Variants in VAV1 observed in about 807,000 individuals in gnomAD.
VAV1 encodes the protein proto-oncogene vav.
Under a neutral mutation model 128.1 loss-of-function variants are expected in VAV1, and 33 were observed. The observed-to-expected ratio is 0.26, with a 90% confidence interval of 0.20 to 0.34. The LOEUF (loss-of-function observed/expected upper bound fraction) is 0.34, where lower values mean the gene tolerates loss of function less well. VAV1 is among the 10% of genes least tolerant of loss of function. VAV1 has a pLI of 1.00. For synonymous variants in VAV1, 394 were observed against 409.8 expected (o/e 0.96, Z 0.47); for missense variants, 715 against 1,093.7 (o/e 0.65, Z 4.88).
At chr19:6,857,003 A>G in intron 26 of VAV1, 51 bp from the exon 27 acceptor site, 1 of 1,558,464 alleles carries the variant, frequency 6.4e-7, no homozygotes, top group Non-Finnish European at 8.9e-7. Context: ...GTGGAGGGGC[A>G]GTAGGAGGAT....
chr19:6,838,295 TTATCTATC>T (rs57869416), intron 21 of VAV1, among the ~76,000 whole-genome samples: 7,006 of 145,618 alleles, frequency 0.048, 192 homozygotes, highest in South Asian at 0.085. Flanking sequence ...CATCTACATA[TTATCTATC>T]TATCTATCTA....
At chr19:6,848,950 C>T (rs1261628816) in intron 23 of VAV1, among the ~76,000 whole-genome samples, 1 of 151,568 alleles carries the variant, frequency 6.6e-6, no homozygotes, top group African/African-American at 2.4e-5. Context: ...TGCACCACCA[C>T]ATCCAGCTAA....
chr19:6,811,474 G>T (rs920106364), intron 1 of VAV1, among the ~76,000 whole-genome samples: 3 of 152,190 alleles, frequency 2.0e-5, no homozygotes, highest in African/African-American at 7.2e-5. Flanking sequence ...GTCAGGCCTG[G>T]GTTGAGGAGG....
At position 6,826,838 on chromosome 19, in the gene VAV1, C is replaced by T. The variant is rs912416650; in HGVS notation, c.927+127C>T. The stretch of plus-strand genomic sequence containing the variant: ...GCCCAGCCAGAGATCCACCAAAGGA[C>T]TAGGGAGGGAGGTACTAGCCAGCCA... On this transcript the variant is annotated intron_variant, in intron 9 of 26. Transcript: ENST00000602142. The surrounding 1 kb of genome is among the most constrained non-coding windows in gnomAD (Gnocchi z 4.1). 1 of 758,110 alleles carries T rather than the reference C, an allele frequency of 1.3e-6. No individual in the cohort carries two copies. Among genetic ancestry groups the T allele is most frequent in the African/African-American group, 1.7e-5 (1 of 57,538 alleles). 47.0% of individuals were successfully genotyped at this position (758,110 alleles called of 1,614,324 possible).
intron 26 of VAV1, 86 bp from the exon 27 acceptor site, chr19:6,856,968 A>C: frequency 8.1e-7 from 1 of 1,229,520 alleles, no homozygotes; most frequent in Non-Finnish European, 1.2e-6. Flanking sequence ...AAAGGCCCTG[A>C]GGTGGGAGGG....
chr19:6,783,933 A>G (rs1970828552), intron 1 of VAV1, among the ~76,000 whole-genome samples: 1 of 151,824 alleles, frequency 6.6e-6, no homozygotes, highest in South Asian at 2.1e-4. Flanking sequence ...TGGCTCCAGA[A>G]ATGCAGGTAT....
chr19:6,779,947 T>TA (rs1192117336), intron 1 of VAV1, among the ~76,000 whole-genome samples: 2 of 148,844 alleles, frequency 1.3e-5, no homozygotes, highest in Non-Finnish European at 3.0e-5. Flanking sequence ...CCGTCTCTAC[T>TA]AAAAATACAA....
chr19:6,850,907 T>G, intron 24 of VAV1, 150 bp downstream of exon 24: 1 of 638,624 alleles, frequency 1.6e-6, no homozygotes, highest in Non-Finnish European at 2.7e-6. Flanking sequence ...ATGCTCTTAA[T>G]GATGAACAAT....
chr19:6,841,636 G>A (rs1006636431), intron 21 of VAV1, among the ~76,000 whole-genome samples: 2 of 151,644 alleles, frequency 1.3e-5, no homozygotes, highest in South Asian at 2.1e-4. Context: ...CACCACGCCC[G>A]GCTAATTTTT....
At chr19:6,846,516 A>G (rs1599679455) in intron 22 of VAV1, among the ~76,000 whole-genome samples, 1 of 151,192 alleles carries the variant, frequency 6.6e-6, no homozygotes, top group East Asian at 1.9e-4. Flanking sequence ...TGAACCCAGG[A>G]GGCAGAGGTT....
At position 6,836,420 on chromosome 19, in the gene VAV1, C is replaced by A; in HGVS notation, c.1778-12C>A. On this transcript the variant is annotated splice_polypyrimidine_tract_variant and intron_variant, in intron 19 of 26. Transcript: ENST00000602142. ...TGCCAACCACCCTGTACTCCTGTACCCTGTCCTCCAGGTCTGCCCAAGATG... is the reference window on the plus strand; with the variant it reads ...TGCCAACCACCCTGTACTCCTGTACACTGTCCTCCAGGTCTGCCCAAGATG... The A allele has an allele frequency of 6.2e-7, 1 of 1,613,690 alleles. No homozygotes were observed. Among genetic ancestry groups the A allele is most frequent in the South Asian group, 1.1e-5 (1 of 91,036 alleles).
At position 6,820,321 on chromosome 19, in the gene VAV1, G is replaced by A. The variant is rs75302135; in HGVS notation, c.205-381G>A. On this transcript the variant is annotated intron_variant, in intron 1 of 26. Coordinates refer to ENST00000602142, the MANE Select transcript of VAV1 (RefSeq NM_005428.4). This position sits in a 1 kb window ranked among gnomAD's most constrained non-coding sequence, Gnocchi z 4.4. ...TGCCATCATAGCTCACCGCAGGCTCGAACTCCTGGGCTCAGTGATCCACTC... is the reference window on the plus strand; with the variant it reads ...TGCCATCATAGCTCACCGCAGGCTCAAACTCCTGGGCTCAGTGATCCACTC... 5.3e-5 allele frequency among the ~76,000 whole-genome samples: 8 copies of A among 152,204 alleles called. No individual in the cohort carries two copies. In the East Asian group the frequency reaches 1.4e-3, roughly 26 times the overall value.
chr19:6,828,193 G>T lies in VAV1; in HGVS notation c.1023+22G>T. The T allele has an allele frequency of 1.9e-6, 3 of 1,612,880 alleles. No individual in the cohort carries two copies. Among genetic ancestry groups the T allele is most frequent in the Non-Finnish European group, 2.5e-6 (3 of 1,179,080 alleles). ...CCAGGTGCCAGGCACATCTCTAGGC[G>T]TGGGCTCCACGTACCTACTCTCCTG... On this transcript the variant is annotated intron_variant, in intron 10 of 26. Transcript: ENST00000602142. This position sits in a 1 kb window ranked among gnomAD's most constrained non-coding sequence, Gnocchi z 4.5.
chr19:6,833,363 G>T (rs1315578241), intron 16 of VAV1, 78 bp downstream of exon 16: 6 of 1,478,844 alleles, frequency 4.1e-6, no homozygotes, highest in East Asian at 4.6e-5. Flanking sequence ...CTAGTAATTG[G>T]TTCCCTAAAT....
chr19:6,806,043 A>T (rs1408172472), intron 1 of VAV1, among the ~76,000 whole-genome samples: 4 of 151,978 alleles, frequency 2.6e-5, no homozygotes, highest in Admixed American at 1.3e-4. Context: ...AGGTCAACAA[A>T]CCATGACCTG....
chr19:6,810,566 G>A lies in VAV1; in HGVS notation c.205-10136G>A, dbSNP rs371795670. ...TAAAAATACAAAAAATTAGCCAGGC[G>A]TGGTGGCGGGCGCCTGTAATCGCAG... is the stretch of plus-strand genomic sequence containing the variant. On this transcript the variant is annotated intron_variant, in intron 1 of 26. Transcript: ENST00000602142. Among the ~76,000 whole-genome samples, 1,107 of 152,148 alleles carry A rather than the reference G, an allele frequency of 7.3e-3. 12 individuals are homozygous for A. The highest frequency in any genetic ancestry group is 0.025 in the African/African-American group (1,034 of 41,504).
At chr19:6,849,952 A>C (rs1972624072) in intron 23 of VAV1, among the ~76,000 whole-genome samples, 1 of 152,112 alleles carries the variant, frequency 6.6e-6, no homozygotes, top group Non-Finnish European at 1.5e-5. Context: ...GTAGATACCC[A>C]GTCATAGGGT....
rs72065421 is a variant in VAV1, at chr19:6,794,073, GATTT to G, written c.204+21068_204+21071del. Among the ~76,000 whole-genome samples the G allele has an allele frequency of 2.2e-3, 207 of 92,994 alleles. 7 individuals are homozygous for G. Among genetic ancestry groups the G allele is most frequent in the African/African-American group, 3.4e-3 (69 of 20,326 alleles). 61.0% of individuals were successfully genotyped at this position (92,994 alleles called of 152,430 possible). ...ATTTACCAATAAACCAACGGTAAAT[GATTT>G]ATTTACCAATAAACCAACGGTAAAT... On this transcript the variant is annotated intron_variant, in intron 1 of 26. Transcript: ENST00000602142.
Position 6,822,106 on chromosome 19 carries a change from A to T in VAV1, c.450-115A>T. The T allele has an allele frequency of 8.9e-7, 1 of 1,118,922 alleles. No individual in the cohort carries two copies. Among genetic ancestry groups the T allele is most frequent in the Admixed American group, 2.1e-5 (1 of 46,600 alleles). 69.3% of individuals were successfully genotyped at this position (1,118,922 alleles called of 1,614,324 possible). On this transcript the variant is annotated intron_variant, in intron 4 of 26. Transcript: ENST00000602142. The surrounding 1 kb of genome is among the most constrained non-coding windows in gnomAD (Gnocchi z 5.9). ...TTGGAGGGACATGGCCTGCCCTTGG[A>T]GTCTGAGGTCCCACCCTTGGAGTCT... is the stretch of plus-strand genomic sequence containing the variant.
Sources: allele counts gnomAD v4.1 joint callset (sites outside exome capture counted in the v4.1 genomes callset), GRCh38; gene constraint gnomAD v4.1.1; non-coding constraint Gnocchi (gnomAD v3.1); transcripts MANE v1.5; gene names NCBI Gene and HGNC (gene_info 2026-07-23, HGNC 2026-07-21).